The following EDARADD variants were observed in gnomAD, a reference collection of about 807,000 sequenced individuals.
EDARADD encodes the protein EDAR associated via death domain, also known as ectodysplasin-A receptor-associated adapter protein.
EDARADD carries 20 observed loss-of-function variants against 25.6 expected under a neutral mutation model. The ratio of observed to expected loss-of-function variants is 0.78; its 90% CI spans 0.55 to 1.14. EDARADD has a LOEUF of 1.14. Among genes scored for constraint, EDARADD ranks in the 50% most tolerant of loss-of-function variants. EDARADD has a pLI of 0.00. For synonymous variants in EDARADD, 86 were observed against 94.4 expected, an observed-to-expected ratio of 0.91 and a Z score of 0.52; for missense variants, 225 against 270.1, an observed-to-expected ratio of 0.83 and a Z score of 1.17.
rs191322474 is a variant in EDARADD, at chr1:236,373,661, T to C, written c.-6+22822T>C. Among the ~76,000 whole-genome samples, 71 of 152,324 alleles carry C rather than the reference T, an allele frequency of 4.7e-4. 1 individual carries two copies. The highest frequency in any genetic ancestry group is 1.6e-3 in the African/African-American group (67 of 41,602). Reference sequence around the variant, plus strand: ...ATTTTCTGTTTCCAGTTTTATTGTCTTGGGCTCTAATTTTTATTCTTTCTT... The same window carrying C: ...ATTTTCTGTTTCCAGTTTTATTGTCCTGGGCTCTAATTTTTATTCTTTCTT... On this transcript the variant is annotated intron_variant, in intron 3 of 7. Transcript: ENST00000439430.
intron 3 of EDARADD, among the ~76,000 whole-genome samples, chr1:236,361,413 C>A (rs1274048555): frequency 6.6e-6 from 1 of 151,846 alleles, no homozygotes; most frequent in African/African-American, 2.4e-5. Flanking sequence ...CCTCCGGGTT[C>A]AAGTGATTCT....
At chr1:236,360,478 A>T (rs549993886) in intron 3 of EDARADD, among the ~76,000 whole-genome samples, 1 of 151,880 alleles carries the variant, frequency 6.6e-6, no homozygotes, top group East Asian at 1.9e-4. Context: ...ATCAGACAGG[A>T]TCTATCAGGT....
At chr1:236,444,667 G>A (rs1311312791) in intron 4 of EDARADD, among the ~76,000 whole-genome samples, 1 of 152,098 alleles carries the variant, frequency 6.6e-6, no homozygotes, top group Non-Finnish European at 1.5e-5. Context: ...CAGGTGATCC[G>A]CCCAACTCGG....
At chr1:236,456,405 G>A (rs769156671) in intron 4 of EDARADD, among the ~76,000 whole-genome samples, 8 of 152,184 alleles carry the variant, frequency 5.3e-5, no homozygotes, top group African/African-American at 9.7e-5. Context: ...GGTAATGCCA[G>A]GAGAACTTGG....
At position 236,405,913 on chromosome 1, in the gene EDARADD, CTTT is replaced by C. The variant is rs1667723418; in HGVS notation, c.62-3302_62-3300del. Among the ~76,000 whole-genome samples, 28 of 53,118 alleles carry C rather than the reference CTTT, an allele frequency of 5.3e-4. No homozygotes were observed. In the South Asian group the frequency reaches 0.012, roughly 23 times the overall value. The allele number at this position is 53,118 out of a possible 152,430, so 34.8% of individuals were successfully genotyped here. Reference sequence around the variant, plus strand: ...TCTTTCTTTCTTTCTTTCTTTCTTTCTTTCTTTCTTTCTCTTTCCTTTTTTTTT... The same window carrying C: ...TCTTTCTTTCTTTCTTTCTTTCTTTCCTTTCTTTCTCTTTCCTTTTTTTTT... On this transcript the variant is annotated intron_variant, in intron 1 of 5. Transcript: ENST00000334232.
intron 4 of EDARADD, among the ~76,000 whole-genome samples, chr1:236,454,032 A>ATCTTTT (rs147876984): frequency 6.6e-6 from 1 of 151,758 alleles, no homozygotes; most frequent in South Asian, 2.1e-4. Context: ...CAGAGTTTGT[A>ATCTTTT]TCTTTTTCTT....
intron 5 of EDARADD, among the ~76,000 whole-genome samples, chr1:236,471,100 C>T (rs1416550417): frequency 6.6e-6 from 1 of 152,124 alleles, no homozygotes; most frequent in African/African-American, 2.4e-5. Context: ...GCTTTCTCTA[C>T]TCCAGTTTTA....
At chr1:236,353,674 A>C (rs1666943917) in intron 3 of EDARADD, among the ~76,000 whole-genome samples, 2 of 122,290 alleles carry the variant, frequency 1.6e-5, no homozygotes, top group African/African-American at 6.2e-5. Flanking sequence ...CGAGACTCCA[A>C]CTCCAAAAAA....
chr1:236,407,219 C>T (rs543319990), intron 1 of EDARADD, among the ~76,000 whole-genome samples: 1 of 152,316 alleles, frequency 6.6e-6, no homozygotes, highest in African/African-American at 2.4e-5. Context: ...CTGTGCTGGA[C>T]ACAGGGCACA....
At chr1:236,400,938 A>G (rs559343643) in intron 1 of EDARADD, among the ~76,000 whole-genome samples, 16 of 152,136 alleles carry the variant, frequency 1.1e-4, no homozygotes, top group Admixed American at 7.2e-4. Context: ...GCTCACGCCT[A>G]TAATCCCCAG....
At chr1:236,390,539 C>T (rs1158716211), upstream of EDARADD, among the ~76,000 whole-genome samples, 3 of 151,928 alleles carry the variant, frequency 2.0e-5, no homozygotes, top group African/African-American at 4.8e-5. Context: ...GGGGACAGAG[C>T]GAGACTCCGT....
At chr1:236,453,249 C>T (rs1364766837) in intron 4 of EDARADD, among the ~76,000 whole-genome samples, 10 of 151,666 alleles carry the variant, frequency 6.6e-5, no homozygotes, top group East Asian at 3.9e-4. Flanking sequence ...ACCATGTGTA[C>T]GCCAGTGGTC....
chr1:236,384,447 G>A (rs1288722487), intron 3 of EDARADD, among the ~76,000 whole-genome samples: 1 of 152,188 alleles, frequency 6.6e-6, no homozygotes, highest in Non-Finnish European at 1.5e-5. Context: ...CTGGAGTGCA[G>A]TAGTGCAATC....
At chr1:236,476,759 A>G (rs1351771422) in intron 5 of EDARADD, among the ~76,000 whole-genome samples, 1 of 152,166 alleles carries the variant, frequency 6.6e-6, no homozygotes, top group Admixed American at 6.5e-5. Flanking sequence ...TCCCAACCTC[A>G]GGTGATCTGC....
At chr1:236,404,690 C>A (rs1445787740) in intron 1 of EDARADD, among the ~76,000 whole-genome samples, 1 of 152,184 alleles carries the variant, frequency 6.6e-6, no homozygotes, top group Non-Finnish European at 1.5e-5. Context: ...GTGGTCCCAG[C>A]TACTTGGGAG....
chr1:236,445,234 C>CTTTTTTTTTTTTTTTTTTTTTTTTTTT lies in EDARADD; in HGVS notation c.219+17795_219+17796insTTTTTTTTTTTTTTTTTTTTTTTTTTT, dbSNP rs61333307. 1.4e-4 allele frequency among the ~76,000 whole-genome samples: 13 copies of CTTTTTTTTTTTTTTTTTTTTTTTTTTT among 89,698 alleles called. 3 individuals carry two copies. Among genetic ancestry groups the CTTTTTTTTTTTTTTTTTTTTTTTTTTT allele is most frequent in the Non-Finnish European group, 2.6e-4 (11 of 41,736 alleles). The allele number at this position is 89,698 out of a possible 152,430, so 58.8% of individuals were successfully genotyped here. A position where few individuals can be genotyped will look rare whatever the true frequency, so the allele number is the denominator to read the frequency against. ...TGCATTAGCTGGGACATAATAAATT[C>CTTTTTTTTTTTTTTTTTTTTTTTTTTT]TTTTTTTTTTTGAGACAGAGTCTTG... On this transcript the variant is annotated intron_variant, in intron 4 of 5. Coordinates refer to ENST00000334232, the MANE Select transcript of EDARADD (RefSeq NM_145861.4).
Position 236,483,164 on chromosome 1 carries a change from C to G in EDARADD, c.*515C>G. 1 of 1,547,110 alleles carries G rather than the reference C, an allele frequency of 6.5e-7. No individual in the cohort carries two copies. The highest frequency in any genetic ancestry group is 1.7e-5 in the Admixed American group (1 of 59,698). ...TGAGACCCAGTGGCTAGAAATTCAC[C>G]ATGTCTATTCTCAAGATCCATGCCA... On this transcript the variant is annotated 3_prime_UTR_variant, in exon 6 of 6. Coordinates refer to ENST00000334232, the MANE Select transcript of EDARADD (RefSeq NM_145861.4).
chr1:236,448,940 G>A (rs758682705), intron 4 of EDARADD, among the ~76,000 whole-genome samples: 15 of 152,156 alleles, frequency 9.9e-5, no homozygotes, highest in Non-Finnish European at 1.3e-4. Flanking sequence ...CCGTAACTAA[G>A]TACCACAAAG....
upstream of EDARADD, among the ~76,000 whole-genome samples, chr1:236,390,978 C>T (rs544334722): frequency 1.4e-5 from 1 of 70,344 alleles, no homozygotes; most frequent in South Asian, 5.8e-4. Context: ...GATGGAGTCT[C>T]ACTCTGTCGC....
Sources: allele counts gnomAD v4.1 joint callset (sites outside exome capture counted in the v4.1 genomes callset), GRCh38; gene constraint gnomAD v4.1.1; transcripts MANE v1.5; gene names NCBI Gene and HGNC (gene_info 2026-07-23, HGNC 2026-07-21).